Variants in FYTTD1 observed in about 807,000 individuals in gnomAD.
FYTTD1 encodes UAP56-interacting factor.
A neutral mutation model predicts 40.9 loss-of-function variants in FYTTD1; 22 were observed. That is an observed-to-expected ratio of 0.54 (90% CI 0.38 to 0.77). FYTTD1 has a LOEUF of 0.77. Among genes scored for constraint, FYTTD1 ranks in the 30% least tolerant of loss-of-function variants. The probability of loss-of-function intolerance (pLI) is 0.00; values close to 1 mark genes in which losing one functional copy is unlikely to be tolerated. For synonymous variants in FYTTD1, 140 were observed against 137.9 expected, an observed-to-expected ratio of 1.01 and a Z score of -0.10; for missense variants, 351 against 392.2, an observed-to-expected ratio of 0.90 and a Z score of 0.89.
At chr3:197,760,588 G>T (rs1008904849) in intron 2 of FYTTD1, among the ~76,000 whole-genome samples, 12 of 151,534 alleles carry the variant, frequency 7.9e-5, no homozygotes, top group Non-Finnish European at 1.5e-4. Flanking sequence ...GAATATATAG[G>T]GTTGTTCTTC....
intron 7 of FYTTD1, among the ~76,000 whole-genome samples, chr3:197,777,954 C>G (rs1245663707): frequency 6.6e-6 from 1 of 152,196 alleles, no homozygotes; most frequent in Non-Finnish European, 1.5e-5. Flanking sequence ...TCAAGCGATC[C>G]TTGTGCCTTG....
chr3:197,761,783 C>G (rs185549441), intron 2 of FYTTD1, among the ~76,000 whole-genome samples: 18 of 152,314 alleles, frequency 1.2e-4, no homozygotes, highest in Admixed American at 1.1e-3. Context: ...GTAGCCTTTT[C>G]CAGAGTCTAC....
At chr3:197,775,763 T>G (rs983543785) in intron 6 of FYTTD1, among the ~76,000 whole-genome samples, 8 of 152,350 alleles carry the variant, frequency 5.3e-5, no homozygotes, top group African/African-American at 1.9e-4. Flanking sequence ...ACAGGGGTCA[T>G]GACATTAGAA....
intron 2 of FYTTD1, among the ~76,000 whole-genome samples, chr3:197,764,708 CAAAA>C (rs375534910): frequency 4.5e-5 from 4 of 89,576 alleles, no homozygotes; most frequent in Non-Finnish European, 4.6e-5. Context: ...GAGTCCGTCC[CAAAA>C]AAAAAAAAAA....
chr3:197,750,515 T>A, intron 1 of FYTTD1: 1 of 985,892 alleles, frequency 1.0e-6, no homozygotes, highest in Non-Finnish European at 1.2e-6. Context: ...TGAAGAAAGG[T>A]CTTGGAGAGC....
chr3:197,750,119 G>A, intron 1 of FYTTD1, 45 bp downstream of exon 1: 7 of 1,429,128 alleles, frequency 4.9e-6, no homozygotes, highest in Non-Finnish European at 6.7e-6. Context: ...GGGAGGGCGC[G>A]GGTGGAAGCC....
chr3:197,777,013 C>G lies in FYTTD1; in HGVS notation c.731+12C>G. The G allele has an allele frequency of 6.4e-7, 1 of 1,573,716 alleles. No homozygotes were observed. Among genetic ancestry groups the G allele is most frequent in the Middle Eastern group, 1.7e-4 (1 of 5,970 alleles). The stretch of plus-strand genomic sequence containing the variant: ...GTGCAATGCCCAGTGTAAGTTGTTT[C>G]TTTCTTTTTGCAAAAATTATAACCT... On this transcript the variant is annotated intron_variant, in intron 7 of 8. Coordinates refer to ENST00000241502, the MANE Select transcript of FYTTD1 (RefSeq NM_032288.7).
intron 2 of FYTTD1, among the ~76,000 whole-genome samples, chr3:197,766,423 T>C (rs908534282): frequency 3.2e-5 from 1 of 31,712 alleles, no homozygotes; most frequent in Non-Finnish European, 8.4e-5. Flanking sequence ...GTGTCGTGTT[T>C]GAGACTGGTG....
chr3:197,766,980 A>G (rs1273108295), intron 2 of FYTTD1, among the ~76,000 whole-genome samples: 1 of 152,234 alleles, frequency 6.6e-6, no homozygotes, highest in African/African-American at 2.4e-5. Context: ...GGTCATCTCT[A>G]GGTGGTAGGC....
Position 197,774,026 on chromosome 3 carries a change from G to A in FYTTD1, c.595-123G>A, listed in dbSNP as rs548125144. On this transcript the variant is annotated intron_variant, in intron 5 of 8. Transcript: ENST00000241502. ...CTGGGTTAGGAAGTTGTAGAATAGC[G>A]CAGGCACCTCCGCTGCACTCATGTA... is the stretch of plus-strand genomic sequence containing the variant. The A allele has an allele frequency of 1.5e-4, 120 of 777,682 alleles. 2 individuals are homozygous for A. The highest frequency in any genetic ancestry group is 1.4e-3 in the South Asian group (93 of 64,800). The allele number at this position is 777,682 out of a possible 1,614,324, so 48.2% of individuals were successfully genotyped here.
intron 1 of FYTTD1, among the ~76,000 whole-genome samples, chr3:197,752,746 C>CTA (rs111741655): frequency 1.3e-5 from 2 of 152,032 alleles, no homozygotes; most frequent in Admixed American, 6.5e-5. Context: ...TATACATACA[C>CTA]TATATATATG....
chr3:197,779,529 C>T (rs201333507), intron 8 of FYTTD1, among the ~76,000 whole-genome samples: 9 of 118,394 alleles, frequency 7.6e-5, no homozygotes, highest in South Asian at 2.6e-4. Flanking sequence ...TTCCTTAGGA[C>T]TTTTTTTTTT....
In FYTTD1 at chr3:197,756,524, A is replaced by G. The variant is rs368630775; in HGVS notation, c.202A>G (p.Met68Val). The stretch of plus-strand genomic sequence containing the variant: ...GCAAAGTGGTGCCCAGCAATTCAGG[A>G]TGAGAGTGCGATGGGGAATCCAACA... Reference protein sequence around the residue: ...LQQSGAQQFRMRVRWGIQQNS... With the variant: ...LQQSGAQQFRVRVRWGIQQNS... The change falls in exon 2 of 9, where the codon ATG becomes GTG. Residue 68 changes from methionine to valine, a missense_variant. By Grantham distance (21) the Met-to-Val change is conservative. Transcript: ENST00000241502. 67 of 1,613,734 alleles carry G rather than the reference A, an allele frequency of 4.2e-5. No homozygotes were observed. The highest frequency in any genetic ancestry group is 5.6e-5 in the Non-Finnish European group (66 of 1,179,728).
At position 197,782,923 on chromosome 3, in the gene FYTTD1, AGATT is replaced by A. The variant is rs1730066025; in HGVS notation, c.*1016_*1019del. 6.6e-6 allele frequency: 1 copy of A among 152,648 alleles called. No individual in the cohort carries two copies. The highest frequency in any genetic ancestry group is 6.5e-5 in the Admixed American group (1 of 15,276). 9.5% of individuals were successfully genotyped at this position (152,648 alleles called of 1,614,324 possible). On this transcript the variant is annotated 3_prime_UTR_variant, in exon 9 of 9. Coordinates refer to ENST00000241502, the MANE Select transcript of FYTTD1 (RefSeq NM_032288.7). ...AAAAGTTGAAATTTATGAGCTTTGA[AGATT>A]GCTAAATTAAATAATTTATAGCTCC...
chr3:197,778,378 T>G lies in FYTTD1; in HGVS notation c.772T>G (p.Phe258Val). ...PRLTRTAVPSFLTKREQSDVK... is the reference protein window; with the variant it reads ...PRLTRTAVPSVLTKREQSDVK... ...ATTAACTCGTACTGCTGTACCTTCA[T>G]TTTTAACAAAGCGGGAGCAAAGTGA... The change falls in exon 8 of 9, where the codon TTT becomes GTT. Residue 258 changes from phenylalanine (F) to valine (V), a missense_variant. Coordinates refer to ENST00000241502, the MANE Select transcript of FYTTD1 (RefSeq NM_032288.7). 5.6e-6 allele frequency: 9 copies of G among 1,612,318 alleles called. No homozygotes were observed. Among genetic ancestry groups the G allele is most frequent in the Non-Finnish European group, 7.6e-6 (9 of 1,178,630 alleles).
rs781135880 is a variant in FYTTD1 at position 197,755,849 on chromosome 3, G to A, written c.104-577G>A. The A allele has an allele frequency of 2.5e-5, 39 of 1,550,816 alleles. 2 individuals carry two copies. In the South Asian group the frequency reaches 3.8e-4, roughly 15 times the overall value. Reference sequence around the variant, plus strand: ...GATTATGGGAAGTAAGTAGGAAAATGGAGGCTTCTGTGTTTTTGGGAAGTA... The same window carrying A: ...GATTATGGGAAGTAAGTAGGAAAATAGAGGCTTCTGTGTTTTTGGGAAGTA... On this transcript the variant is annotated intron_variant, in intron 1 of 8. Transcript: ENST00000241502.
chr3:197,753,416 G>A (rs921799258), intron 1 of FYTTD1, among the ~76,000 whole-genome samples: 42 of 152,058 alleles, frequency 2.8e-4, no homozygotes, highest in Admixed American at 7.2e-4. Flanking sequence ...AACATTGCTG[G>A]TGCCTGTGCT....
rs931717276 is a variant in FYTTD1, at chr3:197,782,663, G to A, written c.*754G>A. The A allele has an allele frequency of 5.9e-5, 9 of 152,278 alleles. No individual in the cohort carries two copies. The highest frequency in any genetic ancestry group is 1.9e-4 in the African/African-American group (8 of 41,562). The allele number at this position is 152,278 out of a possible 1,614,324, so 9.4% of individuals were successfully genotyped here. On this transcript the variant is annotated 3_prime_UTR_variant, in exon 9 of 9. Transcript: ENST00000241502. ...TTAATAAATGAAGGCATGAGAGGAA[G>A]TAAGTAGCAAGTTGAAGGACAGGTA...
At chr3:197,774,106 C>A (rs1271987225) in intron 5 of FYTTD1, 43 bp from the exon 6 acceptor site, 3 of 1,542,406 alleles carry the variant, frequency 1.9e-6, no homozygotes, top group Non-Finnish European at 2.7e-6. Flanking sequence ...GGATTCAAAT[C>A]CTCTGCTTTC....
Sources: allele counts gnomAD v4.1 joint callset (sites outside exome capture counted in the v4.1 genomes callset), GRCh38; gene constraint gnomAD v4.1.1; transcripts MANE v1.5; gene names NCBI Gene and HGNC (gene_info 2026-07-23, HGNC 2026-07-21).